MTX2: variants seen among roughly 807,000 people sequenced by gnomAD.
The protein encoded by MTX2 is metaxin 2.
Under a neutral mutation model 42.3 loss-of-function variants are expected in MTX2, and 35 were observed. The observed-to-expected ratio is 0.83, with a 90% CI of 0.63 to 1.10. The LOEUF (loss-of-function observed/expected upper bound fraction) is 1.10. Ranked by LOEUF, MTX2 falls within the 50% of genes least tolerant of loss-of-function variation. The probability of loss-of-function intolerance (pLI) is 0.00; values close to 1 mark genes in which losing one functional copy is unlikely to be tolerated. For missense variants in MTX2, 307 were observed against 304.1 expected, an observed-to-expected ratio of 1.01 and a Z score of -0.07; for synonymous variants, 119 against 100.9, an observed-to-expected ratio of 1.18 and a Z score of -1.08.
chr2:176,327,015 C>A (rs28479158), intron 5 of MTX2, 114 bp downstream of exon 5: 1 of 552,650 alleles, frequency 1.8e-6, no homozygotes, highest in Admixed American at 3.7e-5. Flanking sequence ...CCAATGCAAA[C>A]TACTGGAAAA....
At chr2:176,333,222 A>G (rs1276796139) in intron 9 of MTX2, among the ~76,000 whole-genome samples, 1 of 151,582 alleles carries the variant, frequency 6.6e-6, no homozygotes, top group Non-Finnish European at 1.5e-5. Context: ...ATTGCTATCT[A>G]TATTTGAATT....
chr2:176,306,220 G>A (rs915250296), intron 3 of MTX2, among the ~76,000 whole-genome samples: 4 of 152,138 alleles, frequency 2.6e-5, no homozygotes, highest in Non-Finnish European at 4.4e-5. Context: ...CTTCATCCAT[G>A]TCCCTACAAA....
intron 3 of MTX2, among the ~76,000 whole-genome samples, chr2:176,314,911 A>G (rs1040794415): frequency 6.6e-6 from 1 of 152,160 alleles, no homozygotes; most frequent in Non-Finnish European, 1.5e-5. Context: ...ATGGTCCTTG[A>G]TTATATTTTT....
At chr2:176,280,453 C>T (rs146838043) in intron 1 of MTX2, among the ~76,000 whole-genome samples, 50 of 152,204 alleles carry the variant, frequency 3.3e-4, no homozygotes, top group African/African-American at 1.1e-3. Flanking sequence ...AACAAACCAC[C>T]CTAAATTTAC....
At chr2:176,281,208 A>C (rs770930713) in intron 1 of MTX2, among the ~76,000 whole-genome samples, 1 of 152,054 alleles carries the variant, frequency 6.6e-6, no homozygotes, top group Non-Finnish European at 1.5e-5. Flanking sequence ...AGATAGGGTT[A>C]CTTATGTATA....
In MTX2 at chr2:176,297,912, T is replaced by C. The variant is rs747268447; in HGVS notation, c.135+17T>C. The C allele has an allele frequency of 2.6e-6, 4 of 1,532,250 alleles. No individual in the cohort carries two copies. The South Asian group carries it at 4.0e-5, about 15-fold the overall frequency. 94.9% of individuals were successfully genotyped at this position (1,532,250 alleles called of 1,614,324 possible). ...GCAGTGCAGGTAAATATGTAAATAA[T>C]GTAATATCTTTTTCACCCCCTAGGT... On this transcript the variant is annotated intron_variant, in intron 3 of 9. Coordinates refer to ENST00000249442, the MANE Select transcript of MTX2 (RefSeq NM_006554.5).
At chr2:176,315,271 CCA>C (rs1379819019) in intron 3 of MTX2, among the ~76,000 whole-genome samples, 2 of 152,132 alleles carry the variant, frequency 1.3e-5, no homozygotes, top group African/African-American at 2.4e-5. Context: ...ACTGCTCACC[CCA>C]CAGTTTTTCC....
intron 8 of MTX2, among the ~76,000 whole-genome samples, chr2:176,330,318 T>A (rs1684829444): frequency 6.7e-6 from 1 of 150,288 alleles, no homozygotes; most frequent in Admixed American, 6.7e-5. Flanking sequence ...TCTTCCTATT[T>A]CTTGTATACA....
chr2:176,337,470 A>C, intron 9 of MTX2, 23 bp from the exon 10 acceptor site: 1 of 1,554,972 alleles, frequency 6.4e-7, no homozygotes, highest in Non-Finnish European at 8.7e-7. Flanking sequence ...ACTTACTCAC[A>C]TTACTCTCAT....
At chr2:176,286,207 A>G (rs1180759577) in intron 1 of MTX2, among the ~76,000 whole-genome samples, 2 of 152,142 alleles carry the variant, frequency 1.3e-5, no homozygotes, top group African/African-American at 4.8e-5. Flanking sequence ...AATTTTAAAA[A>G]TTGGGTTATG....
intron 1 of MTX2, among the ~76,000 whole-genome samples, chr2:176,296,544 G>T (rs1683888752): frequency 6.6e-6 from 1 of 152,098 alleles, no homozygotes. Flanking sequence ...GTGTTTGAAA[G>T]AAGCTAAAGG....
Position 176,328,274 on chromosome 2 carries a change from T to G in MTX2, c.286-19T>G. On this transcript the variant is annotated intron_variant, in intron 5 of 9. Coordinates refer to ENST00000249442, the MANE Select transcript of MTX2 (RefSeq NM_006554.5). ...TATTTAATATGATGTTCTTTTAAATTTTTTTAAATTCCCTTTAGGGCCATT... is the reference window on the plus strand; with the variant it reads ...TATTTAATATGATGTTCTTTTAAATGTTTTTAAATTCCCTTTAGGGCCATT... 1 of 1,493,514 alleles carries G rather than the reference T, an allele frequency of 6.7e-7. No homozygotes were observed. Among genetic ancestry groups the G allele is most frequent in the Non-Finnish European group, 9.0e-7 (1 of 1,115,764 alleles). 92.5% of individuals were successfully genotyped at this position (1,493,514 alleles called of 1,614,324 possible).
chr2:176,337,568 T>A lies in MTX2; in HGVS notation c.696T>A (p.Leu232=), dbSNP rs1289549733. Residue 232 remains leucine (L), a synonymous_variant, in exon 10 of 10, where the codon CTT becomes CTA. Coordinates refer to ENST00000249442, the MANE Select transcript of MTX2 (RefSeq NM_006554.5). The part of the protein sequence containing the change: ...ILTTQLTNDE[L]SEKVKNYSNL... Reference sequence around the variant, plus strand: ...CCACACAATTGACAAATGATGAACTTTCTGAGAAGGTGAAAAACTATAGCA... The same window carrying A: ...CCACACAATTGACAAATGATGAACTATCTGAGAAGGTGAAAAACTATAGCA... 6.2e-7 allele frequency: 1 copy of A among 1,613,420 alleles called. No individual in the cohort carries two copies. Among genetic ancestry groups the A allele is most frequent in the Admixed American group, 1.7e-5 (1 of 59,958 alleles).
At chr2:176,291,679 C>T (rs1006078915) in intron 1 of MTX2, among the ~76,000 whole-genome samples, 3 of 152,048 alleles carry the variant, frequency 2.0e-5, no homozygotes, top group Non-Finnish European at 4.4e-5. Context: ...ACTGAGACAG[C>T]AGAACATTAA....
In MTX2 at chr2:176,288,742, A is replaced by G. The variant is rs192598383; in HGVS notation, c.41-8118A>G. Among the ~76,000 whole-genome samples the G allele has an allele frequency of 1.4e-3, 210 of 151,892 alleles. 1 individual carries two copies. The highest frequency in any genetic ancestry group is 4.8e-3 in the African/African-American group (199 of 41,418). On this transcript the variant is annotated intron_variant, in intron 1 of 9. Coordinates refer to ENST00000249442, the MANE Select transcript of MTX2 (RefSeq NM_006554.5). The stretch of plus-strand genomic sequence containing the variant: ...GAAGCAGCATGTAATATTAGTGCCT[A>G]TTATTCTGGAAATTATGTCTTCACC...
At chr2:176,324,397 T>C (rs1684661352) in intron 4 of MTX2, among the ~76,000 whole-genome samples, 1 of 151,694 alleles carries the variant, frequency 6.6e-6, no homozygotes, top group Admixed American at 6.6e-5. Context: ...GGTTTATGAA[T>C]ATACATTTAG....
intron 3 of MTX2, chr2:176,304,268 C>T (rs965475804): frequency 1.3e-5 from 2 of 154,344 alleles, no homozygotes; most frequent in African/African-American, 2.4e-5. Flanking sequence ...CATTCTACAA[C>T]AAGAATTACA....
chr2:176,311,591 A>G (rs1684309209), intron 3 of MTX2, among the ~76,000 whole-genome samples: 1 of 152,088 alleles, frequency 6.6e-6, no homozygotes, highest in African/African-American at 2.4e-5. Flanking sequence ...TTGTTTACCT[A>G]CTCAAGCCTC....
chr2:176,309,741 G>A (rs1464131304), intron 3 of MTX2, among the ~76,000 whole-genome samples: 2 of 34,138 alleles, frequency 5.9e-5, no homozygotes, highest in African/African-American at 2.6e-4. Flanking sequence ...TTTTTTTTTT[G>A]CCTTCCATTT....
Sources: allele counts gnomAD v4.1 joint callset (sites outside exome capture counted in the v4.1 genomes callset), GRCh38; gene constraint gnomAD v4.1.1; transcripts MANE v1.5; gene names NCBI Gene and HGNC (gene_info 2026-07-23, HGNC 2026-07-21).